Variants in TTC17 observed in about 807,000 individuals in gnomAD.
The protein encoded by TTC17 is tetratricopeptide repeat domain 17.
Under a neutral mutation model 143.8 loss-of-function variants are expected in TTC17, and 58 were observed. The observed-to-expected ratio is 0.40, with a 90% CI of 0.33 to 0.50. The LOEUF (loss-of-function observed/expected upper bound fraction) is 0.50, where lower values mean the gene tolerates loss of function less well. TTC17 is among the 20% of genes least tolerant of loss of function. The probability of loss-of-function intolerance (pLI) is 0.49; values close to 1 mark genes in which losing one functional copy is unlikely to be tolerated. For missense variants in TTC17, 1,273 were observed against 1,392.5 expected (o/e 0.91, Z 1.37); for synonymous variants, 501 against 497.8 (o/e 1.01, Z -0.09).
chr11:43,415,945 C>A (rs567334671), intron 16 of TTC17, among the ~76,000 whole-genome samples: 1 of 152,252 alleles, frequency 6.6e-6, no homozygotes, highest in Non-Finnish European at 1.5e-5. Flanking sequence ...TAGAATCTTA[C>A]AGATTCATGT....
At chr11:43,458,098 C>G (rs768433433) in intron 21 of TTC17, among the ~76,000 whole-genome samples, 1 of 152,180 alleles carries the variant, frequency 6.6e-6, no homozygotes, top group African/African-American at 2.4e-5. Context: ...TATTACAGAA[C>G]TTAACAGCCA....
chr11:43,475,247 GT>G (rs888857186), intron 21 of TTC17, among the ~76,000 whole-genome samples: 7 of 151,406 alleles, frequency 4.6e-5, no homozygotes, highest in African/African-American at 4.9e-5. Context: ...TTCAGATGGG[GT>G]TTTTTTTTGA....
intron 16 of TTC17, among the ~76,000 whole-genome samples, chr11:43,429,895 G>A (rs1016765269): frequency 6.6e-6 from 1 of 152,170 alleles, no homozygotes; most frequent in African/African-American, 2.4e-5. Context: ...AGACTGTAGA[G>A]TATAATATAA....
In TTC17 at chr11:43,465,565, C is replaced by T. The variant is rs148042368; in HGVS notation, c.3030+14300C>T. The stretch of plus-strand genomic sequence containing the variant: ...ATTCTAGAGCTGAGAATTGCAATAA[C>T]TGAAATTAAGAACTCAATTGATGGG... On this transcript the variant is annotated intron_variant, in intron 21 of 23. Transcript: ENST00000039989. 3.3e-5 allele frequency among the ~76,000 whole-genome samples: 5 copies of T among 152,204 alleles called. No homozygotes were observed. In the East Asian group the frequency reaches 9.7e-4, roughly 29 times the overall value.
intron 21 of TTC17, among the ~76,000 whole-genome samples, chr11:43,465,022 A>G (rs1947942932): frequency 3.9e-5 from 6 of 152,230 alleles, no homozygotes; most frequent in Non-Finnish European, 1.5e-5. Context: ...AGTGAGGACA[A>G]GAGGCTTTTG....
At chr11:43,478,962 C>T (rs559134699) in intron 21 of TTC17, among the ~76,000 whole-genome samples, 4 of 152,246 alleles carry the variant, frequency 2.6e-5, no homozygotes, top group East Asian at 3.9e-4. Flanking sequence ...AGTTCCAGGC[C>T]GGGCGTGGTG....
At position 43,451,168 on chromosome 11, in the gene TTC17, T is replaced by C; in HGVS notation, c.2947-14T>C. 6.2e-7 allele frequency: 1 copy of C among 1,611,126 alleles called. No homozygotes were observed. The highest frequency in any genetic ancestry group is 8.5e-7 in the Non-Finnish European group (1 of 1,177,488). Reference sequence around the variant, plus strand: ...GTTTTCATTCTTCTAATCTACTATCTTCCTTCCTTCCAGGTATTACAAAAT... The same window carrying C: ...GTTTTCATTCTTCTAATCTACTATCCTCCTTCCTTCCAGGTATTACAAAAT... On this transcript the variant is annotated splice_polypyrimidine_tract_variant and intron_variant, in intron 20 of 23. Transcript: ENST00000039989.
In TTC17 at chr11:43,406,157, G is replaced by A. The variant is rs184307090; in HGVS notation, c.1761+206G>A. Among the ~76,000 whole-genome samples, 5 of 152,270 alleles carry A rather than the reference G, an allele frequency of 3.3e-5. No individual in the cohort carries two copies. The East Asian group carries it at 7.7e-4, about 24-fold the overall frequency. ...AGAGAGTTCCTCGGGGCTGCTATAC[G>A]TAGATCACCTAAACACTATTCCTCT... On this transcript the variant is annotated intron_variant, in intron 13 of 23. Coordinates refer to ENST00000039989, the MANE Select transcript of TTC17 (RefSeq NM_018259.6).
At chr11:43,447,924 A>G (rs899830329) in intron 18 of TTC17, 78 bp from the exon 19 acceptor site, 1 of 1,527,894 alleles carries the variant, frequency 6.5e-7, no homozygotes, top group African/African-American at 1.4e-5. Context: ...ATCCAGGTGA[A>G]GTAATCACCA....
chr11:43,460,701 T>C lies in TTC17; in HGVS notation c.3030+9436T>C, dbSNP rs750177627. ...TTCTGGTCTCACCTGGAGTCATTTA[T>C]GCAACTGCAGACATGTGGGGACTCC... On this transcript the variant is annotated intron_variant, in intron 21 of 23. Coordinates refer to ENST00000039989, the MANE Select transcript of TTC17 (RefSeq NM_018259.6). 2.6e-5 allele frequency among the ~76,000 whole-genome samples: 4 copies of C among 152,242 alleles called. No individual in the cohort carries two copies. The East Asian group carries it at 7.7e-4, about 29-fold the overall frequency.
intron 21 of TTC17, among the ~76,000 whole-genome samples, chr11:43,460,683 C>G (rs1043947883): frequency 2.6e-5 from 4 of 152,204 alleles, no homozygotes; most frequent in Non-Finnish European, 4.4e-5. Context: ...TTCTTCTGGT[C>G]TCACCTGGAG....
At chr11:43,437,481 C>G (rs1054579114) in intron 16 of TTC17, among the ~76,000 whole-genome samples, 1 of 152,172 alleles carries the variant, frequency 6.6e-6, no homozygotes, top group Non-Finnish European at 1.5e-5. Flanking sequence ...GAAACAACCA[C>G]TGTTAACTAA....
Position 43,437,395 on chromosome 11 carries a change from T to C in TTC17, c.2252-5930T>C, listed in dbSNP as rs76803074. 6.1e-3 allele frequency among the ~76,000 whole-genome samples: 935 copies of C among 152,306 alleles called. 11 individuals carry two copies. The highest frequency in any genetic ancestry group is 0.021 in the African/African-American group (882 of 41,562). ...TTGCAGTAGCGTCTTAATTTGGCTC[T>C]CTAAATCTAGTCTTTTATTTTAGTC... On this transcript the variant is annotated intron_variant, in intron 16 of 23. Transcript: ENST00000039989.
At chr11:43,442,985 C>T (rs896833849) in intron 16 of TTC17, among the ~76,000 whole-genome samples, 1 of 152,122 alleles carries the variant, frequency 6.6e-6, no homozygotes, top group Non-Finnish European at 1.5e-5. Context: ...ACATAATAAG[C>T]TTCATCCTTG....
At chr11:43,370,549 GAAA>G (rs56245298) in intron 1 of TTC17, among the ~76,000 whole-genome samples, 2 of 133,368 alleles carry the variant, frequency 1.5e-5, no homozygotes, top group East Asian at 4.3e-4. Flanking sequence ...TTTGTTTAAG[GAAA>G]AAAAAAAAAA....
chr11:43,421,738 T>C (rs899322755), intron 16 of TTC17, among the ~76,000 whole-genome samples: 3 of 152,208 alleles, frequency 2.0e-5, no homozygotes, highest in Non-Finnish European at 4.4e-5. Context: ...TCCCACTGAT[T>C]CTACATTGTG....
intron 19 of TTC17, chr11:43,449,316 A>C (rs957861515): frequency 6.6e-6 from 1 of 152,126 alleles, no homozygotes; most frequent in Non-Finnish European, 1.5e-5. Flanking sequence ...TGTCTGTGGC[A>C]TTGTTCTCAC....
intron 21 of TTC17, among the ~76,000 whole-genome samples, chr11:43,452,940 C>T (rs369737624): frequency 6.3e-4 from 96 of 152,042 alleles, no homozygotes; most frequent in Middle Eastern, 3.4e-3. Context: ...AAAAAAAATT[C>T]GCCTGCATAA....
intron 2 of TTC17, among the ~76,000 whole-genome samples, chr11:43,386,846 A>G (rs969704343): frequency 1.3e-5 from 2 of 152,126 alleles, no homozygotes; most frequent in African/African-American, 4.8e-5. Context: ...GAAAGCAGGT[A>G]GGATGATCAT....
Sources: allele counts gnomAD v4.1 joint callset (sites outside exome capture counted in the v4.1 genomes callset), GRCh38; gene constraint gnomAD v4.1.1; transcripts MANE v1.5; gene names NCBI Gene and HGNC (gene_info 2026-07-23, HGNC 2026-07-21).